MPHOSPH9: variants seen among roughly 807,000 people sequenced by gnomAD.
The protein encoded by MPHOSPH9 is M-phase phosphoprotein 9.
MPHOSPH9 carries 88 observed loss-of-function variants against 145.5 expected under a neutral mutation model. That is an observed-to-expected ratio of 0.60 (90% CI 0.51 to 0.72). MPHOSPH9 has a LOEUF of 0.72. Among genes scored for constraint, MPHOSPH9 ranks in the 30% least tolerant of loss-of-function variants. The probability of loss-of-function intolerance (pLI) is 0.00; values close to 1 mark genes in which losing one functional copy is unlikely to be tolerated. For missense variants in MPHOSPH9, 1,238 were observed against 1,386.6 expected (o/e 0.89, Z 1.70); for synonymous variants, 435 against 486.2 (o/e 0.89, Z 1.39).
upstream of MPHOSPH9, among the ~76,000 whole-genome samples, chr12:123,235,051 G>C (rs1229607344): frequency 6.6e-6 from 1 of 152,204 alleles, no homozygotes; most frequent in Non-Finnish European, 1.5e-5. Flanking sequence ...GAAATAATCA[G>C]TTCCCAGACT....
chr12:123,227,071 C>T (rs2047465761), intron 3 of MPHOSPH9, among the ~76,000 whole-genome samples: 2 of 152,156 alleles, frequency 1.3e-5, no homozygotes, highest in Admixed American at 1.3e-4. Flanking sequence ...ATAGAAGCTT[C>T]AATTTATAAT....
chr12:123,235,290 G>C (rs560769003), upstream of MPHOSPH9, among the ~76,000 whole-genome samples: 2 of 152,172 alleles, frequency 1.3e-5, no homozygotes, highest in African/African-American at 4.8e-5. Flanking sequence ...GACATTGAAC[G>C]CAGGTCTGTT....
At chr12:123,184,533 T>A (rs1019540998) in intron 13 of MPHOSPH9, among the ~76,000 whole-genome samples, 7 of 151,934 alleles carry the variant, frequency 4.6e-5, no homozygotes, top group Non-Finnish European at 1.0e-4. Flanking sequence ...AGTCTTGCTC[T>A]GTCGCCCAGG....
At chr12:123,168,176 A>G (rs2044396276) in intron 16 of MPHOSPH9, among the ~76,000 whole-genome samples, 1 of 151,610 alleles carries the variant, frequency 6.6e-6, no homozygotes, top group South Asian at 2.1e-4. Context: ...CTTTCACCAC[A>G]CCTGACTGGC....
intron 19 of MPHOSPH9, 59 bp downstream of exon 19, chr12:123,163,891 T>A: frequency 1.2e-6 from 2 of 1,601,642 alleles, no homozygotes; most frequent in Non-Finnish European, 1.7e-6. Flanking sequence ...CGGGCACAAA[T>A]AGATTTGACT....
At chr12:123,186,227 CAAAAAAAAAAAAAA>C (rs35294099) in intron 13 of MPHOSPH9, among the ~76,000 whole-genome samples, 6 of 101,302 alleles carry the variant, frequency 5.9e-5, no homozygotes, top group African/African-American at 2.6e-4. Flanking sequence ...AACTCCGTCT[CAAAAAAAAAAAAAA>C]AAAAAAAAAA....
chr12:123,173,206 T>A lies in MPHOSPH9; in HGVS notation c.2456+3482A>T, dbSNP rs532573907. 7.2e-5 allele frequency among the ~76,000 whole-genome samples: 11 copies of A among 152,284 alleles called. No individual in the cohort carries two copies. The East Asian group carries it at 2.1e-3, about 30-fold the overall frequency. On this transcript the variant is annotated intron_variant, in intron 16 of 23. Transcript: ENST00000606320. ...TCACTCGAGTACCCTCTGAATGGGCTTCTACTGTTATCACTCTATCCAGAC... is the reference window on the plus strand; with the variant it reads ...TCACTCGAGTACCCTCTGAATGGGCATCTACTGTTATCACTCTATCCAGAC...
At position 123,171,749 on chromosome 12, in the gene MPHOSPH9, A is replaced by AAAAC. The variant is rs144074005; in HGVS notation, c.2456+4935_2456+4938dup. ...GGGTGACACAGCGAGACTCCATCTC[A>AAAAC]AAACAAACAAACAAACAAACAAAAA... On this transcript the variant is annotated intron_variant, in intron 16 of 23. Transcript: ENST00000606320. 3.2e-3 allele frequency among the ~76,000 whole-genome samples: 490 copies of AAAAC among 152,182 alleles called. 1 individual carries two copies. The highest frequency in any genetic ancestry group is 0.011 in the African/African-American group (473 of 41,482).
chr12:123,174,465 C>T (rs976045312), intron 16 of MPHOSPH9, among the ~76,000 whole-genome samples: 2 of 151,822 alleles, frequency 1.3e-5, no homozygotes, highest in African/African-American at 2.4e-5. Flanking sequence ...CTCCGCCTCC[C>T]GGGTTCACGC....
chr12:123,154,691 AAATATCCT>A lies in MPHOSPH9; in HGVS notation c.*2108_*2115del, dbSNP rs2043827679. On this transcript the variant is annotated 3_prime_UTR_variant, in exon 24 of 24. Coordinates refer to ENST00000606320, the MANE Select transcript of MPHOSPH9 (RefSeq NM_022782.4). The stretch of plus-strand genomic sequence containing the variant: ...TTTACAATAAAAGTAGGGAACAAGG[AAATATCCT>A]AACAATTTTCAAGTTAGTTTTTAAT... 1 of 152,222 alleles carries A rather than the reference AAATATCCT, an allele frequency of 6.6e-6. No homozygotes were observed. Among genetic ancestry groups the A allele is most frequent in the Non-Finnish European group, 1.5e-5 (1 of 68,034 alleles). 9.4% of individuals were successfully genotyped at this position (152,222 alleles called of 1,614,324 possible).
At chr12:123,235,686 C>G (rs1381733004), upstream of MPHOSPH9, among the ~76,000 whole-genome samples, 2 of 151,260 alleles carry the variant, frequency 1.3e-5, no homozygotes, top group Non-Finnish European at 2.9e-5. Flanking sequence ...AGTGAGTTAT[C>G]TTAATTAATT....
At position 123,179,056 on chromosome 12, in the gene MPHOSPH9, A is replaced by G. The variant is rs188727308; in HGVS notation, c.2354+870T>C. 3.5e-4 allele frequency among the ~76,000 whole-genome samples: 53 copies of G among 152,352 alleles called. No individual in the cohort carries two copies. The East Asian group carries it at 6.7e-3, about 19-fold the overall frequency. On this transcript the variant is annotated intron_variant, in intron 15 of 23. Coordinates refer to ENST00000606320, the MANE Select transcript of MPHOSPH9 (RefSeq NM_022782.4). ...TTAAATATCATTTGGATTTTAACCTATGCTGAGAAAATACATAATGTTTGG... is the reference window on the plus strand; with the variant it reads ...TTAAATATCATTTGGATTTTAACCTGTGCTGAGAAAATACATAATGTTTGG...
Position 123,202,769 on chromosome 12 carries a change from C to T in MPHOSPH9, c.1636G>A (p.Asp546Asn). 1 of 1,614,138 alleles carries T rather than the reference C, an allele frequency of 6.2e-7. No individual in the cohort carries two copies. Among genetic ancestry groups the T allele is most frequent in the East Asian group, 2.2e-5 (1 of 44,882 alleles). The change falls in exon 10 of 24, where the codon GAT (aspartate) becomes AAT (asparagine). Residue 546 changes from aspartate (D) to asparagine (N), a missense_variant. This residue lies in a region of MPHOSPH9 where 837 missense variants were observed against 897.5 expected (regional missense o/e 0.93). Coordinates refer to ENST00000606320, the MANE Select transcript of MPHOSPH9 (RefSeq NM_022782.4). ...TCATCTACAGTGTTGACCGAGATAT[C>T]ATTACTAGTAATGGTATATACTGAC... ...FPSVYTITSN[D>N]ISVNTVDEEN...
intron 5 of MPHOSPH9, among the ~76,000 whole-genome samples, chr12:123,220,086 C>T (rs1229107540): frequency 6.6e-6 from 1 of 151,896 alleles, no homozygotes; most frequent in African/African-American, 2.4e-5. Context: ...CCCAGCTACT[C>T]AGGAGGCTGA....
chr12:123,229,733 C>A (rs2138681733), intron 2 of MPHOSPH9, among the ~76,000 whole-genome samples: 1 of 151,892 alleles, frequency 6.6e-6, no homozygotes, highest in South Asian at 2.1e-4. Context: ...TTTCAGAATG[C>A]TTTCCATGCA....
chr12:123,186,237 A>C (rs2045440509), intron 13 of MPHOSPH9, among the ~76,000 whole-genome samples: 2 of 151,262 alleles, frequency 1.3e-5, no homozygotes, highest in African/African-American at 2.4e-5. Context: ...CAAAAAAAAA[A>C]AAAAAAAAAA....
intron 4 of MPHOSPH9, among the ~76,000 whole-genome samples, chr12:123,222,481 T>C (rs1021054226): frequency 1.3e-5 from 2 of 151,798 alleles, no homozygotes; most frequent in African/African-American, 4.8e-5. Context: ...CTGGCCAACA[T>C]GGTTGGTACT....
chr12:123,231,472 G>A (rs555869273), intron 1 of MPHOSPH9, among the ~76,000 whole-genome samples: 6 of 152,256 alleles, frequency 3.9e-5, no homozygotes, highest in South Asian at 2.1e-4. Flanking sequence ...CCATTGTCTG[G>A]AAGTACATTT....
chr12:123,235,505 C>T (rs1018946459), upstream of MPHOSPH9, among the ~76,000 whole-genome samples: 1 of 151,780 alleles, frequency 6.6e-6, no homozygotes, highest in South Asian at 2.1e-4. Context: ...GCTGAGACTA[C>T]AGGTGCCTGC....
Sources: gnomAD v4.1 joint callset for allele counts (sites outside exome capture counted in the v4.1 genomes callset) on GRCh38, gnomAD v4.1.1 for gene constraint, gnomAD v4.1.1 regional missense constraint, MANE v1.5 for transcripts, NCBI Gene and HGNC (gene_info 2026-07-23, HGNC 2026-07-21) for gene names.